Variants in CDH2 observed in about 807,000 individuals in gnomAD.
CDH2 encodes cadherin 2, also known as cadherin-2.
In CDH2, 17 loss-of-function variants were observed where a neutral mutation model predicts 92.0. The observed-to-expected ratio is 0.18, with a 90% CI of 0.13 to 0.28. The LOEUF (loss-of-function observed/expected upper bound fraction) is 0.28, where lower values mean the gene tolerates loss of function less well. Ranked by LOEUF, CDH2 falls within the 10% of genes least tolerant of loss-of-function variation. The pLI is 1.00. For synonymous variants in CDH2, 419 were observed against 415.9 expected (o/e 1.01, Z -0.09); for missense variants, 862 against 1,133.1 (o/e 0.76, Z 3.44).
intron 2 of CDH2, among the ~76,000 whole-genome samples, chr18:28,139,559 A>G (rs919184793): frequency 2.0e-5 from 3 of 151,964 alleles, no homozygotes; most frequent in African/African-American, 7.2e-5. Flanking sequence ...GCTAAATCCA[A>G]TGGTGACTTC....
At chr18:28,019,594 G>A (rs1384487689) in intron 2 of CDH2, among the ~76,000 whole-genome samples, 1 of 152,006 alleles carries the variant, frequency 6.6e-6, no homozygotes, top group African/African-American at 2.4e-5. Context: ...ATGAGAAGAG[G>A]TTGACCTAAG....
At chr18:28,138,948 GT>G (rs2015908311) in intron 2 of CDH2, among the ~76,000 whole-genome samples, 2 of 152,024 alleles carry the variant, frequency 1.3e-5, no homozygotes, top group Non-Finnish European at 2.9e-5. Context: ...AGTGACAGTA[GT>G]ATTCTTGCAG....
chr18:27,939,682 T>G (rs1264222056), intron 6 of CDH2, among the ~76,000 whole-genome samples: 2 of 152,196 alleles, frequency 1.3e-5, no homozygotes, highest in Non-Finnish European at 2.9e-5. Flanking sequence ...AAGACTTCCT[T>G]CCTGGGAGTT....
chr18:28,026,055 G>A (rs2013545638), intron 2 of CDH2, among the ~76,000 whole-genome samples: 1 of 152,130 alleles, frequency 6.6e-6, no homozygotes. Flanking sequence ...GCCAGTCAAT[G>A]CTTTATGAAA....
chr18:28,025,880 A>C (rs1334396848), intron 2 of CDH2, among the ~76,000 whole-genome samples: 1 of 152,194 alleles, frequency 6.6e-6, no homozygotes. Context: ...TAATTTTTAT[A>C]TATTTTATTG....
intron 2 of CDH2, among the ~76,000 whole-genome samples, chr18:28,111,747 A>G (rs2144254763): frequency 6.6e-6 from 1 of 152,330 alleles, no homozygotes; most frequent in Non-Finnish European, 1.5e-5. Flanking sequence ...GTTTAAACCC[A>G]GTATACTAAT....
chr18:27,980,453 A>G (rs1166873688), intron 14 of CDH2, among the ~76,000 whole-genome samples: 1 of 152,132 alleles, frequency 6.6e-6, no homozygotes, highest in African/African-American at 2.4e-5. Context: ...GATTTCATGA[A>G]CCAGTTTAGA....
intron 2 of CDH2, among the ~76,000 whole-genome samples, chr18:28,065,809 C>A (rs1333570247): frequency 6.6e-6 from 1 of 152,142 alleles, no homozygotes; most frequent in Non-Finnish European, 1.5e-5. Context: ...TCTCAGTAGT[C>A]CCTTAGGTAT....
chr18:28,043,492 AT>A (rs1567976488), intron 2 of CDH2, among the ~76,000 whole-genome samples: 35 of 75,136 alleles, frequency 4.7e-4, no homozygotes, highest in East Asian at 3.0e-3. Context: ...ATATATATAT[AT>A]AAATATATAT....
chr18:28,095,643 C>T (rs8094132), intron 2 of CDH2, among the ~76,000 whole-genome samples: 6,832 of 151,810 alleles, frequency 0.045, 174 homozygotes, highest in South Asian at 0.082. Context: ...CACGGTAAAA[C>T]CCCATCGCCA....
At chr18:27,947,180 G>C (rs1046957430), downstream of CDH2, among the ~76,000 whole-genome samples, 1 of 151,368 alleles carries the variant, frequency 6.6e-6, no homozygotes, top group Non-Finnish European at 1.5e-5. Context: ...GCTATTAAAA[G>C]TAATACAACA....
rs758062248 is a variant in CDH2, at chr18:28,012,010, A to G, written c.400-18T>C. On this transcript the variant is annotated intron_variant, in intron 3 of 15. Transcript: ENST00000269141. ...GCTGACTCCTTTACATTAAAATAGA[A>G]GACATTCCTGAGTACTAGGAAACAC... 1.3e-5 allele frequency: 21 copies of G among 1,609,060 alleles called. No individual in the cohort carries two copies. In the East Asian group the frequency reaches 2.5e-4, roughly 19 times the overall value.
At chr18:28,113,421 A>C (rs2015444516) in intron 2 of CDH2, among the ~76,000 whole-genome samples, 1 of 151,698 alleles carries the variant, frequency 6.6e-6, no homozygotes, top group Admixed American at 6.6e-5. Flanking sequence ...ATACCTACAT[A>C]GTTAATCATC....
At chr18:27,953,519 C>T (rs1271048329) in intron 15 of CDH2, among the ~76,000 whole-genome samples, 2 of 152,166 alleles carry the variant, frequency 1.3e-5, no homozygotes, top group Non-Finnish European at 2.9e-5. Context: ...GTGTCACAGA[C>T]AGTCCTACCC....
chr18:27,941,013 G>A (rs966387633), intron 6 of CDH2, among the ~76,000 whole-genome samples: 1 of 150,674 alleles, frequency 6.6e-6, no homozygotes, highest in Non-Finnish European at 1.5e-5. Context: ...ACATAGCTGA[G>A]GTTTCAATCT....
chr18:28,020,285 T>C (rs1341546051), intron 2 of CDH2, among the ~76,000 whole-genome samples: 1 of 152,086 alleles, frequency 6.6e-6, no homozygotes, highest in Non-Finnish European at 1.5e-5. Flanking sequence ...ATCTTAGGTA[T>C]ACCAGTAATA....
At chr18:28,001,879 A>G (rs1280128270) in intron 7 of CDH2, among the ~76,000 whole-genome samples, 1 of 152,248 alleles carries the variant, frequency 6.6e-6, no homozygotes, top group Non-Finnish European at 1.5e-5. Context: ...TAAAGTGTCA[A>G]AAAACACGAA....
At chr18:28,052,266 A>G (rs1206953859) in intron 2 of CDH2, among the ~76,000 whole-genome samples, 1 of 152,222 alleles carries the variant, frequency 6.6e-6, no homozygotes, top group Non-Finnish European at 1.5e-5. Flanking sequence ...TGTGTAAGGG[A>G]AGTATAACTG....
At chr18:27,988,714 A>G (rs538570118) in intron 10 of CDH2, 48 bp from the exon 11 acceptor site, 2 of 1,426,970 alleles carry the variant, frequency 1.4e-6, no homozygotes, top group East Asian at 2.3e-5. Flanking sequence ...AACTTTAAAA[A>G]AACATATTTT....
Sources: allele counts gnomAD v4.1 joint callset (sites outside exome capture counted in the v4.1 genomes callset), GRCh38; gene constraint gnomAD v4.1.1; transcripts MANE v1.5; gene names NCBI Gene and HGNC (gene_info 2026-07-23, HGNC 2026-07-21).